The following UBL3 variants were observed in gnomAD, a reference collection of about 807,000 sequenced individuals.
UBL3 encodes the protein ubiquitin like 3, also known as ubiquitin-like protein 3.
Under a neutral mutation model 18.4 loss-of-function variants are expected in UBL3, and 6 were observed. That is an observed-to-expected ratio of 0.33 (90% confidence interval 0.18 to 0.64). UBL3 has a LOEUF of 0.64. Among genes scored for constraint, UBL3 ranks in the 30% least tolerant of loss-of-function variants. UBL3 has a pLI of 0.76. For missense variants in UBL3, 109 were observed against 142.9 expected, an observed-to-expected ratio of 0.76 and a Z score of 1.21; for synonymous variants, 49 against 46.6, an observed-to-expected ratio of 1.05 and a Z score of -0.21.
At chr13:29,775,039 T>C (rs906992615) in intron 2 of UBL3, among the ~76,000 whole-genome samples, 1 of 152,214 alleles carries the variant, frequency 6.6e-6, no homozygotes, top group Non-Finnish European at 1.5e-5. Context: ...TTATACTGTA[T>C]AAATAAAGGT....
At chr13:29,844,849 C>T (rs1358557845) in intron 1 of UBL3, among the ~76,000 whole-genome samples, 1 of 152,102 alleles carries the variant, frequency 6.6e-6, no homozygotes, top group Non-Finnish European at 1.5e-5. Flanking sequence ...AGTTTTAATA[C>T]TATAAATATA....
chr13:29,804,660 A>G (rs1877856219), intron 1 of UBL3, among the ~76,000 whole-genome samples: 1 of 152,190 alleles, frequency 6.6e-6, no homozygotes, highest in African/African-American at 2.4e-5. Context: ...CTGGGAGACT[A>G]CTATTAATAC....
intron 1 of UBL3, among the ~76,000 whole-genome samples, chr13:29,849,049 T>A (rs904746510): frequency 1.1e-4 from 16 of 152,230 alleles, no homozygotes; most frequent in Admixed American, 1.0e-3. Context: ...CTTGAAGAGA[T>A]GTGCATCCCT....
intron 1 of UBL3, among the ~76,000 whole-genome samples, chr13:29,832,370 T>C (rs2139359916): frequency 6.6e-6 from 1 of 151,572 alleles, no homozygotes; most frequent in African/African-American, 2.4e-5. Flanking sequence ...TCTCGCTCTT[T>C]CGCCCAGGCC....
At chr13:29,829,494 C>CG (rs1878715077) in intron 1 of UBL3, among the ~76,000 whole-genome samples, 1 of 151,870 alleles carries the variant, frequency 6.6e-6, no homozygotes, top group African/African-American at 2.4e-5. Context: ...AAGCCAGGCG[C>CG]GGGATATAAT....
At chr13:29,830,350 G>A (rs1433156154) in intron 1 of UBL3, among the ~76,000 whole-genome samples, 1 of 152,212 alleles carries the variant, frequency 6.6e-6, no homozygotes, top group East Asian at 1.9e-4. Flanking sequence ...AATGAACCCA[G>A]AATAAAGGTA....
intron 1 of UBL3, among the ~76,000 whole-genome samples, chr13:29,779,427 G>GTTA (rs1254051425): frequency 3.3e-5 from 5 of 152,102 alleles, no homozygotes; most frequent in African/African-American, 1.2e-4. Context: ...CTAATTAAGA[G>GTTA]TTATGCAAAT....
At chr13:29,818,634 A>C (rs1410182436) in intron 1 of UBL3, among the ~76,000 whole-genome samples, 1 of 152,196 alleles carries the variant, frequency 6.6e-6, no homozygotes, top group Non-Finnish European at 1.5e-5. Flanking sequence ...GACTTCACAT[A>C]ATACGCCTAT....
At chr13:29,796,699 A>G (rs1219965685) in intron 1 of UBL3, among the ~76,000 whole-genome samples, 1 of 152,200 alleles carries the variant, frequency 6.6e-6, no homozygotes, top group Non-Finnish European at 1.5e-5. Flanking sequence ...AACCACAGTG[A>G]AATACTATCT....
intron 1 of UBL3, among the ~76,000 whole-genome samples, chr13:29,838,892 A>G (rs1879024039): frequency 6.6e-6 from 1 of 152,158 alleles, no homozygotes; most frequent in South Asian, 2.1e-4. Context: ...CATCTTACGT[A>G]TAAGGACGAA....
chr13:29,776,345 C>T (rs1262769480), intron 2 of UBL3, among the ~76,000 whole-genome samples: 1 of 146,850 alleles, frequency 6.8e-6, no homozygotes, highest in Non-Finnish European at 1.5e-5. Context: ...TCATGGCAGC[C>T]TCAAATTCCT....
intron 1 of UBL3, among the ~76,000 whole-genome samples, chr13:29,832,629 C>T (rs985688924): frequency 4.6e-5 from 7 of 152,130 alleles, no homozygotes; most frequent in Non-Finnish European, 1.0e-4. Context: ...TAGAAATCCC[C>T]GGGCCATCAG....
At position 29,850,445 on chromosome 13, in the gene UBL3, CG is replaced by C. The variant is rs369952910; in HGVS notation, c.-908del. 0.024 allele frequency: 3,662 copies of C among 153,074 alleles called. 67 individuals are homozygous for C. Among genetic ancestry groups the C allele is most frequent in the Middle Eastern group, 0.077 (23 of 298 alleles). 9.5% of individuals were successfully genotyped at this position (153,074 alleles called of 1,614,324 possible). On this transcript the variant is annotated 5_prime_UTR_variant, in exon 1 of 5. Transcript: ENST00000380680. ...GGCGACGCCGACTTCGGCTGGTCCCCGGAAGAGGCCGGGTCCTCCTTCTCCT... is the reference window on the plus strand; with the variant it reads ...GGCGACGCCGACTTCGGCTGGTCCCCGAAGAGGCCGGGTCCTCCTTCTCCT...
rs553270620 is a variant in UBL3, at chr13:29,850,509, C to T, written c.-971G>A. The T allele has an allele frequency of 1.3e-5, 2 of 152,878 alleles. No individual in the cohort carries two copies. Among genetic ancestry groups the T allele is most frequent in the African/African-American group, 4.8e-5 (2 of 41,574 alleles). 9.5% of individuals were successfully genotyped at this position (152,878 alleles called of 1,614,324 possible). On this transcript the variant is annotated 5_prime_UTR_variant, in exon 1 of 5. Transcript: ENST00000380680. ...GGTTTCCTCTCAGAGCTTTGTTTCT[C>T]CTCCTCCTCCTTCACTTTTCAGTCC...
intron 1 of UBL3, among the ~76,000 whole-genome samples, chr13:29,833,318 T>C (rs1388748568): frequency 6.6e-6 from 1 of 152,086 alleles, no homozygotes; most frequent in East Asian, 1.9e-4. Flanking sequence ...AAAGAGGAAA[T>C]TGATTTGAAA....
At chr13:29,815,139 T>C (rs1346936058) in intron 1 of UBL3, among the ~76,000 whole-genome samples, 1 of 152,152 alleles carries the variant, frequency 6.6e-6, no homozygotes, top group African/African-American at 2.4e-5. Flanking sequence ...GCAATTGAAA[T>C]GTCAATCCAG....
At chr13:29,809,484 A>T (rs1156312866) in intron 1 of UBL3, among the ~76,000 whole-genome samples, 3 of 152,292 alleles carry the variant, frequency 2.0e-5, no homozygotes, top group Middle Eastern at 3.4e-3. Context: ...CAGCCTGGGA[A>T]GGAATTTAAA....
intron 1 of UBL3, among the ~76,000 whole-genome samples, chr13:29,846,594 C>T (rs1380465103): frequency 6.6e-6 from 1 of 152,130 alleles, no homozygotes; most frequent in African/African-American, 2.4e-5. Context: ...GTCATAATCA[C>T]GGCCATAAAA....
chr13:29,844,512 C>A lies in UBL3; in HGVS notation c.27+5000G>T, dbSNP rs188419692. Among the ~76,000 whole-genome samples, 8 of 152,176 alleles carry A rather than the reference C, an allele frequency of 5.3e-5. No homozygotes were observed. In the East Asian group the frequency reaches 1.5e-3, roughly 29 times the overall value. On this transcript the variant is annotated intron_variant, in intron 1 of 4. Transcript: ENST00000380680. ...TATTCAAATCATAGCTCTAAGTCAT[C>A]AAAAATAAGTTAAATTATGCATAGT... is the stretch of plus-strand genomic sequence containing the variant.
Sources: allele counts gnomAD v4.1 joint callset (sites outside exome capture counted in the v4.1 genomes callset), GRCh38; gene constraint gnomAD v4.1.1; transcripts MANE v1.5; gene names NCBI Gene and HGNC (gene_info 2026-07-23, HGNC 2026-07-21).